The following CALN1 variants were observed in gnomAD, a reference collection of about 807,000 sequenced individuals.
CALN1 encodes the protein calneuron 1.
CALN1 carries 17 observed loss-of-function variants against 30.6 expected under a neutral mutation model. The ratio of observed to expected loss-of-function variants is 0.56; its 90% CI spans 0.38 to 0.83. CALN1 has a LOEUF of 0.83. CALN1 is among the 40% of genes least tolerant of loss of function. The pLI is 0.00. For synonymous variants in CALN1, 156 were observed against 131.4 expected (o/e 1.19, Z -1.28); for missense variants, 291 against 354.9 (o/e 0.82, Z 1.45).
intron 5 of CALN1, among the ~76,000 whole-genome samples, chr7:71,810,781 C>T (rs949080770): frequency 3.3e-5 from 5 of 152,170 alleles, no homozygotes; most frequent in Admixed American, 3.3e-4. Context: ...TGCTGTCAAC[C>T]CTGCATACTT....
chr7:72,117,742 G>A (rs1389515102), intron 3 of CALN1, among the ~76,000 whole-genome samples: 1 of 152,094 alleles, frequency 6.6e-6, no homozygotes, highest in Non-Finnish European at 1.5e-5. Flanking sequence ...CAGATCACTT[G>A]AGGTCAGGAG....
intron 5 of CALN1, among the ~76,000 whole-genome samples, chr7:71,820,539 C>T (rs1258818515): frequency 6.6e-6 from 1 of 152,196 alleles, no homozygotes; most frequent in Non-Finnish European, 1.5e-5. Context: ...ATACCACATT[C>T]ACAATAGACA....
Position 72,238,221 on chromosome 7 carries a change from C to T in CALN1, c.244+40465G>A, listed in dbSNP as rs142573097. ...GTATTCTATGATAGTTACAAGAGCACATCAAAATTAAGTTTTAATATTTCC... is the reference window on the plus strand; with the variant it reads ...GTATTCTATGATAGTTACAAGAGCATATCAAAATTAAGTTTTAATATTTCC... On this transcript the variant is annotated intron_variant, in intron 3 of 6. Transcript: ENST00000395275. Among the ~76,000 whole-genome samples, 733 of 152,218 alleles carry T rather than the reference C, an allele frequency of 4.8e-3. 4 individuals are homozygous for T. Among genetic ancestry groups the T allele is most frequent in the African/African-American group, 0.016 (656 of 41,538 alleles).
chr7:72,379,858 T>C (rs1171335921), intron 2 of CALN1, among the ~76,000 whole-genome samples: 1 of 152,206 alleles, frequency 6.6e-6, no homozygotes, highest in East Asian at 1.9e-4. Flanking sequence ...GAAAATGACA[T>C]GGCCACCTCC....
intron 5 of CALN1, among the ~76,000 whole-genome samples, chr7:71,920,593 C>T (rs1302315894): frequency 6.6e-6 from 1 of 152,062 alleles, no homozygotes; most frequent in Non-Finnish European, 1.5e-5. Flanking sequence ...CCTCAGCCTC[C>T]CAAAGTACTG....
chr7:72,138,103 A>T (rs1809634224), intron 3 of CALN1, among the ~76,000 whole-genome samples: 1 of 152,250 alleles, frequency 6.6e-6, no homozygotes, highest in Non-Finnish European at 1.5e-5. Context: ...AACCACATTT[A>T]GTAAATGACA....
At chr7:72,373,151 G>A (rs1005460748) in intron 2 of CALN1, among the ~76,000 whole-genome samples, 3 of 152,026 alleles carry the variant, frequency 2.0e-5, no homozygotes, top group Non-Finnish European at 2.9e-5. Flanking sequence ...TGACATAACC[G>A]AAGAAAGAGC....
chr7:72,212,491 T>TG (rs1792485323), intron 3 of CALN1, among the ~76,000 whole-genome samples: 1 of 152,020 alleles, frequency 6.6e-6, no homozygotes, highest in Non-Finnish European at 1.5e-5. Context: ...ATCAATGCAT[T>TG]GGGGGTACCA....
intron 4 of CALN1, among the ~76,000 whole-genome samples, chr7:72,069,160 A>C (rs899510949): frequency 2.0e-5 from 3 of 152,220 alleles, no homozygotes; most frequent in African/African-American, 7.2e-5. Context: ...TCCGTGCGGA[A>C]TCGCAGACTT....
chr7:71,811,018 C>T (rs1052970928), intron 5 of CALN1, among the ~76,000 whole-genome samples: 3 of 151,770 alleles, frequency 2.0e-5, no homozygotes, highest in African/African-American at 4.8e-5. Context: ...CCTCAGCCTC[C>T]GTAGTAGCTG....
rs764276435 is a variant in CALN1, at chr7:72,247,227, C to CT, written c.244+31458dup. Among the ~76,000 whole-genome samples, 50 of 77,690 alleles carry CT rather than the reference C, an allele frequency of 6.4e-4. 3 individuals are homozygous for CT. The highest frequency in any genetic ancestry group is 8.4e-4 in the Non-Finnish European group (36 of 42,948). 51.0% of individuals were successfully genotyped at this position (77,690 alleles called of 152,430 possible). A position where few individuals can be genotyped will look rare whatever the true frequency, so the allele number is the denominator to read the frequency against. The stretch of plus-strand genomic sequence containing the variant: ...GGGTTTTCAACAGACCATTTTCTTT[C>CT]TTTTTTTTTTTTTTTTTTTTTTTTT... On this transcript the variant is annotated intron_variant, in intron 3 of 6. Transcript: ENST00000395275.
intron 5 of CALN1, among the ~76,000 whole-genome samples, chr7:71,945,536 G>A (rs757250771): frequency 6.6e-6 from 1 of 152,222 alleles, no homozygotes; most frequent in Non-Finnish European, 1.5e-5. Context: ...TGGCAGGTGA[G>A]CAAACATTGC....
At chr7:72,389,238 G>A (rs1562940445) in intron 2 of CALN1, among the ~76,000 whole-genome samples, 1 of 152,174 alleles carries the variant, frequency 6.6e-6, no homozygotes, top group East Asian at 1.9e-4. Context: ...CAGAGAGAAG[G>A]ATGCAGGAAT....
intron 4 of CALN1, among the ~76,000 whole-genome samples, chr7:72,081,799 C>T (rs1805165283): frequency 6.6e-6 from 1 of 152,110 alleles, no homozygotes; most frequent in African/African-American, 2.4e-5. Context: ...GCGGGCATCT[C>T]TCCTACCCCA....
At position 72,130,560 on chromosome 7, in the gene CALN1, T is replaced by C. The variant is rs140472716; in HGVS notation, c.245-24266A>G. On this transcript the variant is annotated intron_variant, in intron 3 of 6. Transcript: ENST00000395275. ...ATTAAAAGTATGGACAAAACCGCAA[T>C]TGCTTTTGCACCAACCTAACGTGTA... Among the ~76,000 whole-genome samples the C allele has an allele frequency of 6.4e-3, 981 of 152,174 alleles. 14 individuals carry two copies. Among genetic ancestry groups the C allele is most frequent in the African/African-American group, 0.022 (905 of 41,558 alleles).
At chr7:72,304,758 T>C (rs142709321) in intron 2 of CALN1, among the ~76,000 whole-genome samples, 430 of 152,304 alleles carry the variant, frequency 2.8e-3, no homozygotes, top group Non-Finnish European at 4.5e-3. Flanking sequence ...CACATACATA[T>C]ATATTTATAG....
chr7:72,319,228 C>T (rs1011514489), intron 2 of CALN1, among the ~76,000 whole-genome samples: 5 of 152,048 alleles, frequency 3.3e-5, no homozygotes, highest in Admixed American at 1.3e-4. Context: ...AACACATACC[C>T]GAGACTGGAC....
At chr7:72,139,399 C>T (rs1444115969) in intron 3 of CALN1, among the ~76,000 whole-genome samples, 1 of 150,268 alleles carries the variant, frequency 6.7e-6, no homozygotes, top group Non-Finnish European at 1.5e-5. Context: ...CGCCCACCCT[C>T]TTCTAAGCAC....
chr7:72,052,405 C>T (rs964419675), intron 4 of CALN1, among the ~76,000 whole-genome samples: 4 of 152,036 alleles, frequency 2.6e-5, no homozygotes, highest in Admixed American at 6.5e-5. Flanking sequence ...GGAAGCTCCC[C>T]GAGAAAGGGC....
Sources: allele counts gnomAD v4.1 joint callset (sites outside exome capture counted in the v4.1 genomes callset), GRCh38; gene constraint gnomAD v4.1.1; transcripts MANE v1.5; gene names NCBI Gene and HGNC (gene_info 2026-07-23, HGNC 2026-07-21).